RET: variants seen among roughly 807,000 people sequenced by gnomAD.
RET encodes ret proto-oncogene.
RET carries 19 observed loss-of-function variants against 118.3 expected under a neutral mutation model. The observed-to-expected ratio is 0.16, with a 90% CI of 0.11 to 0.24. The LOEUF (loss-of-function observed/expected upper bound fraction) is 0.24, where lower values mean the gene tolerates loss of function less well. Ranked by LOEUF, RET falls within the 10% of genes least tolerant of loss-of-function variation. The pLI is 1.00. For synonymous variants in RET, 597 were observed against 644.1 expected (o/e 0.93, Z 1.11); for missense variants, 1,219 against 1,502.1 (o/e 0.81, Z 3.12).
At chr10:43,099,780 CTTCTCT>C (rs1837597126) in intron 1 of RET, among the ~76,000 whole-genome samples, 1 of 152,196 alleles carries the variant, frequency 6.6e-6, no homozygotes, top group Non-Finnish European at 1.5e-5. Flanking sequence ...CATGTGCGCT[CTTCTCT>C]GCCTGGCTTC....
At chr10:43,102,232 C>T (rs1837655318) in intron 2 of RET, 110 bp from the exon 3 acceptor site, 2 of 1,399,396 alleles carry the variant, frequency 1.4e-6, no homozygotes, top group Non-Finnish European at 2.0e-6. Flanking sequence ...CCTTGTGGAC[C>T]TTGGTGGGGA....
At chr10:43,081,224 G>T (rs1837174171) in intron 1 of RET, among the ~76,000 whole-genome samples, 1 of 151,778 alleles carries the variant, frequency 6.6e-6, no homozygotes, top group Non-Finnish European at 1.5e-5. Flanking sequence ...CTGCTTCCTG[G>T]TGCCAGGTTA....
intron 19 of RET, 182 bp downstream of exon 19, chr10:43,126,904 T>G (rs1838348020): frequency 6.9e-7 from 1 of 1,441,750 alleles, no homozygotes. Context: ...ATTGCAACTA[T>G]GTTTTTCTAA....
chr10:43,105,093 T>C lies in RET; in HGVS notation c.767T>C (p.Val256Ala). 6.2e-7 allele frequency: 1 copy of C among 1,611,966 alleles called. No homozygotes were observed. The stretch of plus-strand genomic sequence containing the variant: ...GGCGCGCGCGAGGAGGTGGTGATGG[T>C]GCCCTTCCCGGTGACCGTGTACGAC... ...HAGAREEVVM[V>A]PFPVTVYDED... The change falls in exon 4 of 20, where the codon GTG (valine) becomes GCG (alanine). Residue 256 changes from valine to alanine, a missense_variant. Physicochemically the swap from Val to Ala is moderately conservative, Grantham distance 64 (BLOSUM62 0). Transcript: ENST00000355710.
At chr10:43,104,758 C>T (rs1837719282) in intron 3 of RET, 194 bp from the exon 4 acceptor site, 2 of 812,480 alleles carry the variant, frequency 2.5e-6, no homozygotes, top group African/African-American at 1.7e-5. Context: ...ACTGCAAACT[C>T]GTAAGCACAG....
intron 4 of RET, 137 bp downstream of exon 4, chr10:43,105,330 C>T (rs1837745081): frequency 1.5e-6 from 2 of 1,336,892 alleles, no homozygotes; most frequent in Non-Finnish European, 2.1e-6. Context: ...TCGCCTCCGT[C>T]TGCGCCGTCT....
Position 43,114,706 on chromosome 10 carries a change from C to T in RET, c.2106C>T (p.Asn702=), listed in dbSNP as rs2132854743. Residue 702 remains asparagine (N), a synonymous_variant, in exon 11 of 20, where the codon AAC becomes AAT. Coordinates refer to ENST00000355710, the MANE Select transcript of RET (RefSeq NM_020975.6). The surrounding 1 kb of genome is among the most constrained non-coding windows in gnomAD (Gnocchi z 4.6). ...GGCCCTCGCTGGACTCCATGGAGAA[C>T]CAGGTCTCCGTGGATGCCTTCAAGA... ...ARRPSLDSME[N]QVSVDAFKIL... 6.2e-7 allele frequency: 1 copy of T among 1,611,878 alleles called. No homozygotes were observed. The highest frequency in any genetic ancestry group is 8.5e-7 in the Non-Finnish European group (1 of 1,179,886).
intron 1 of RET, among the ~76,000 whole-genome samples, chr10:43,084,016 C>T (rs1368538363): frequency 1.3e-5 from 2 of 152,246 alleles, no homozygotes; most frequent in Non-Finnish European, 2.9e-5. Flanking sequence ...TCTGCATGGA[C>T]TGTTGTCTGG....
intron 1 of RET, among the ~76,000 whole-genome samples, chr10:43,077,743 G>A (rs1444445970): frequency 6.6e-6 from 1 of 152,254 alleles, no homozygotes; most frequent in African/African-American, 2.4e-5. Context: ...GGAGAGTTCT[G>A]TTTCGGCAGG....
At chr10:43,087,826 G>C (rs1183639090) in intron 1 of RET, among the ~76,000 whole-genome samples, 1 of 152,214 alleles carries the variant, frequency 6.6e-6, no homozygotes, top group Non-Finnish European at 1.5e-5. Context: ...GCAAAAAGCT[G>C]CTTTCATTTG....
intron 12 of RET, among the ~76,000 whole-genome samples, chr10:43,117,543 A>C (rs1169325743): frequency 1.3e-5 from 2 of 152,220 alleles, no homozygotes; most frequent in African/African-American, 2.4e-5. Flanking sequence ...GGCACGGCAC[A>C]GCTGGGCAGT....
At chr10:43,077,929 C>T (rs895679082) in intron 1 of RET, among the ~76,000 whole-genome samples, 2 of 152,094 alleles carry the variant, frequency 1.3e-5, no homozygotes, top group Non-Finnish European at 2.9e-5. Context: ...TGGGGTGGCT[C>T]CCCCCGAGGG....
Position 43,111,431 on chromosome 10 carries a change from C to G in RET, c.1488C>G (p.Ala496=), listed in dbSNP as rs747196645. The change falls in exon 7 of 20, where the codon GCC becomes GCG. Residue 496 remains alanine, a synonymous_variant. Transcript: ENST00000355710. The part of the protein sequence containing the change: ...VATDQQTSRQ[A]QAQLLVTVEG... ...CCGACCAGCAGACCTCTAGGCAGGC[C>G]CAGGCCCAGCTGCTTGTAACAGTGG... The G allele has an allele frequency of 1.9e-6, 3 of 1,613,802 alleles. No individual in the cohort carries two copies. Among genetic ancestry groups the G allele is most frequent in the African/African-American group, 2.7e-5 (2 of 75,056 alleles).
At chr10:43,077,523 G>C (rs1365153906) in intron 1 of RET, among the ~76,000 whole-genome samples, 192 bp downstream of exon 1, 1 of 146,524 alleles carries the variant, frequency 6.8e-6, no homozygotes, top group African/African-American at 2.5e-5. Context: ...GCCTCGGGCC[G>C]GGCGCCTCGG....
chr10:43,088,390 ATGG>A (rs1193635226), intron 1 of RET, among the ~76,000 whole-genome samples: 1 of 133,488 alleles, frequency 7.5e-6, no homozygotes, highest in Admixed American at 7.2e-5. Context: ...GGTGATGGTG[ATGG>A]TGGTGGTGGA....
rs2132858407 is a variant in RET at position 43,114,857 on chromosome 10, G to A, written c.2136+121G>A. 8 of 1,096,936 alleles carry A rather than the reference G, an allele frequency of 7.3e-6. No homozygotes were observed. Among genetic ancestry groups the A allele is most frequent in the Non-Finnish European group, 1.0e-5 (8 of 781,436 alleles). 68.0% of individuals were successfully genotyped at this position (1,096,936 alleles called of 1,614,324 possible). A position where few individuals can be genotyped will look rare whatever the true frequency, so the allele number is the denominator to read the frequency against. On this transcript the variant is annotated intron_variant, in intron 11 of 19. Coordinates refer to ENST00000355710, the MANE Select transcript of RET (RefSeq NM_020975.6). The surrounding 1 kb of genome is among the most constrained non-coding windows in gnomAD (Gnocchi z 4.6). ...GGGCTGCCAACGCTGGGCAGACGAG[G>A]CCTGTGTTCTGCCCCCATTTCCATA... is the stretch of plus-strand genomic sequence containing the variant.
rs567800513 is a variant in RET, at chr10:43,094,838, C to G, written c.74-5621C>G. Among the ~76,000 whole-genome samples the G allele has an allele frequency of 7.7e-4, 117 of 152,312 alleles. 1 individual carries two copies. The highest frequency in any genetic ancestry group is 1.5e-3 in the Non-Finnish European group (99 of 68,016). ...GAGAATGTGTGAGCATATGGGAGAACAAGTGTATAACAGTGTGTGCCCCCG... is the reference window on the plus strand; with the variant it reads ...GAGAATGTGTGAGCATATGGGAGAAGAAGTGTATAACAGTGTGTGCCCCCG... On this transcript the variant is annotated intron_variant, in intron 1 of 19. Coordinates refer to ENST00000355710, the MANE Select transcript of RET (RefSeq NM_020975.6).
At chr10:43,081,460 A>G (rs1837181250) in intron 1 of RET, among the ~76,000 whole-genome samples, 1 of 152,136 alleles carries the variant, frequency 6.6e-6, no homozygotes, top group African/African-American at 2.4e-5. Context: ...GACCCTGTGT[A>G]GGGACTTCCG....
Position 43,106,498 on chromosome 10 carries a change from G to A in RET, c.990G>A (p.Arg330=), listed in dbSNP as rs1362958958. The change falls in exon 5 of 20, where the codon CGG becomes CGA. Residue 330 remains arginine (R), a synonymous_variant. Coordinates refer to ENST00000355710, the MANE Select transcript of RET (RefSeq NM_020975.6). This position sits in a 1 kb window ranked among gnomAD's most constrained non-coding sequence, Gnocchi z 5.1. ...ACACCTGGGCCCAGCAGACCTTCCG[G>A]GTGGAACACTGGCCCAACGAGACCT... ...PGDTWAQQTF[R]VEHWPNETSV... The A allele has an allele frequency of 1.2e-6, 2 of 1,613,766 alleles. No individual in the cohort carries two copies. The highest frequency in any genetic ancestry group is 2.2e-5 in the East Asian group (1 of 44,870).
Sources: gnomAD v4.1 joint callset for allele counts (sites outside exome capture counted in the v4.1 genomes callset) on GRCh38, gnomAD v4.1.1 for gene constraint, Gnocchi (gnomAD v3.1) non-coding constraint, MANE v1.5 for transcripts, NCBI Gene and HGNC (gene_info 2026-07-23, HGNC 2026-07-21) for gene names.